ZNF710: variants seen among roughly 807,000 people sequenced by gnomAD.
ZNF710 encodes zinc finger protein 710.
A neutral mutation model predicts 50.6 loss-of-function variants in ZNF710; 13 were observed. The ratio of observed to expected loss-of-function variants is 0.26; its 90% confidence interval spans 0.17 to 0.41. The LOEUF is 0.41. Among genes scored for constraint, ZNF710 ranks in the 10% least tolerant of loss-of-function variants. ZNF710 has a pLI of 1.00. For synonymous variants in ZNF710, 383 were observed against 397.0 expected (o/e 0.96, Z 0.42); for missense variants, 721 against 936.6 (o/e 0.77, Z 3.01).
intron 1 of ZNF710, among the ~76,000 whole-genome samples, chr15:90,053,406 T>G: frequency 6.6e-6 from 1 of 150,986 alleles, no homozygotes; most frequent in African/African-American, 2.4e-5. Flanking sequence ...TGGAGTACAG[T>G]GGTGTGATCA....
intron 1 of ZNF710, among the ~76,000 whole-genome samples, chr15:90,027,156 T>C (rs1958912567): frequency 6.6e-6 from 1 of 152,084 alleles, no homozygotes. Context: ...ATAGCAAAAG[T>C]CATCAAAAAA....
At position 90,081,633 on chromosome 15, in the gene ZNF710, C is replaced by T. The variant is rs1900724502; in HGVS notation, c.*1804C>T. 6.6e-6 allele frequency: 1 copy of T among 152,278 alleles called. No individual in the cohort carries two copies. The highest frequency in any genetic ancestry group is 6.6e-5 in the Admixed American group (1 of 15,266). The allele number at this position is 152,278 out of a possible 1,614,324, so 9.4% of individuals were successfully genotyped here. A position where few individuals can be genotyped will look rare whatever the true frequency, so the allele number is the denominator to read the frequency against. ...TGATGACCCTCAGGTGGCAGTGACC[C>T]CGTCACTGTATAAGACATTTTCTCC... On this transcript the variant is annotated 3_prime_UTR_variant, in exon 5 of 5. Coordinates refer to ENST00000268154, the MANE Select transcript of ZNF710 (RefSeq NM_198526.4).
intron 1 of ZNF710, among the ~76,000 whole-genome samples, chr15:90,037,465 G>T (rs746281953): frequency 3.9e-5 from 6 of 152,196 alleles, no homozygotes; most frequent in Non-Finnish European, 8.8e-5. Context: ...GGAACTAGGG[G>T]AGCACTAAGC....
chr15:90,035,513 G>A (rs535932914), intron 1 of ZNF710, among the ~76,000 whole-genome samples: 19 of 152,352 alleles, frequency 1.2e-4, no homozygotes, highest in South Asian at 6.2e-4. Context: ...CTTATGTGCC[G>A]GGACAGGATC....
chr15:90,007,142 C>T (rs1898160220), intron 1 of ZNF710, among the ~76,000 whole-genome samples: 1 of 152,024 alleles, frequency 6.6e-6, no homozygotes, highest in Non-Finnish European at 1.5e-5. Flanking sequence ...TGGAGCTGCA[C>T]ACAGAGATTG....
At chr15:90,002,470 C>T (rs1239600887) in intron 1 of ZNF710, 1 of 152,390 alleles carries the variant, frequency 6.6e-6, no homozygotes, top group East Asian at 1.9e-4. Flanking sequence ...GCCCTCTCTC[C>T]GTCTTCTCGC....
chr15:90,075,798 G>A (rs1900573188), intron 4 of ZNF710: 1 of 152,174 alleles, frequency 6.6e-6, no homozygotes, highest in Non-Finnish European at 1.5e-5. Context: ...AACCCCGTCG[G>A]CTGCTCTTGG....
intron 1 of ZNF710, among the ~76,000 whole-genome samples, chr15:90,058,302 A>G (rs1899889761): frequency 6.6e-6 from 1 of 152,180 alleles, no homozygotes; most frequent in African/African-American, 2.4e-5. Flanking sequence ...GGACAAGGTC[A>G]GGTCACTGAG....
chr15:90,074,154 G>A lies in ZNF710; in HGVS notation c.1689G>A (p.Leu563=), dbSNP rs774245534. The part of the protein sequence containing the change: ...GKSFNRMYNL[L]GHMHLHAGSK... ...CCTTCAACCGCATGTACAACCTGCTGGGCCACATGCACCTGCACGCCGGCA... is the reference window on the plus strand; with the variant it reads ...CCTTCAACCGCATGTACAACCTGCTAGGCCACATGCACCTGCACGCCGGCA... Residue 563 remains leucine (L), a synonymous_variant, in exon 4 of 5, where the codon CTG becomes CTA. Transcript: ENST00000268154. 6.2e-7 allele frequency: 1 copy of A among 1,613,862 alleles called. No homozygotes were observed. Among genetic ancestry groups the A allele is most frequent in the Non-Finnish European group, 8.5e-7 (1 of 1,179,912 alleles).
chr15:90,012,459 A>G (rs1309845698), intron 1 of ZNF710, among the ~76,000 whole-genome samples: 2 of 151,806 alleles, frequency 1.3e-5, no homozygotes, highest in Admixed American at 1.3e-4. Context: ...TTTAGTAGAG[A>G]CGGGGTTTCA....
chr15:90,041,334 G>C (rs573975648), intron 1 of ZNF710, among the ~76,000 whole-genome samples: 1 of 152,226 alleles, frequency 6.6e-6, no homozygotes, highest in South Asian at 2.1e-4. Context: ...AAGACTACCA[G>C]CATGCACCAA....
At chr15:90,076,820 C>T (rs907366249) in intron 4 of ZNF710, among the ~76,000 whole-genome samples, 40 of 152,164 alleles carry the variant, frequency 2.6e-4, no homozygotes, top group Middle Eastern at 3.4e-3. Flanking sequence ...TCCCACCACC[C>T]AAACAAGATT....
At chr15:90,008,165 C>T (rs1685082549) in intron 1 of ZNF710, among the ~76,000 whole-genome samples, 1 of 151,864 alleles carries the variant, frequency 6.6e-6, no homozygotes, top group Non-Finnish European at 1.5e-5. Flanking sequence ...TCAGCAGCTT[C>T]AAAAGGTAAA....
intron 1 of ZNF710, among the ~76,000 whole-genome samples, chr15:90,001,951 A>C (rs2151452344): frequency 3.1e-5 from 4 of 128,256 alleles, no homozygotes; most frequent in Non-Finnish European, 4.9e-5. Context: ...GGCGAGAGGG[A>C]GGAGAGCGCG....
intron 1 of ZNF710, among the ~76,000 whole-genome samples, chr15:90,019,192 T>C (rs912166332): frequency 4.6e-4 from 68 of 146,368 alleles, no homozygotes; most frequent in Non-Finnish European, 8.5e-4. Flanking sequence ...TCTTTCTTTT[T>C]TTTTTTTTTT....
chr15:90,016,284 A>G (rs1898453997), intron 1 of ZNF710, among the ~76,000 whole-genome samples: 1 of 152,112 alleles, frequency 6.6e-6, no homozygotes, highest in Non-Finnish European at 1.5e-5. Flanking sequence ...AAACTGGTGC[A>G]AGGTTATCAT....
intron 1 of ZNF710, among the ~76,000 whole-genome samples, chr15:90,011,435 T>C (rs1300525319): frequency 1.3e-5 from 2 of 152,236 alleles, no homozygotes; most frequent in African/African-American, 4.8e-5. Flanking sequence ...TAATGTTCAG[T>C]TGGTGTCTAT....
At chr15:90,042,790 CAG>C (rs1200157739) in intron 1 of ZNF710, among the ~76,000 whole-genome samples, 1 of 152,200 alleles carries the variant, frequency 6.6e-6, no homozygotes, top group Non-Finnish European at 1.5e-5. Context: ...TGGTGTGTAA[CAG>C]AGGCCCAACC....
chr15:90,046,272 T>A (rs1899457832), intron 1 of ZNF710, among the ~76,000 whole-genome samples: 1 of 152,166 alleles, frequency 6.6e-6, no homozygotes. Flanking sequence ...CGTACCCAGC[T>A]CAGTGCCCAG....
Sources: allele counts gnomAD v4.1 joint callset (sites outside exome capture counted in the v4.1 genomes callset), GRCh38; gene constraint gnomAD v4.1.1; transcripts MANE v1.5; gene names NCBI Gene and HGNC (gene_info 2026-07-23, HGNC 2026-07-21).